Variants in WDR27 observed in about 807,000 individuals in gnomAD.
WDR27 encodes WD repeat-containing protein 27.
WDR27 carries 100 observed loss-of-function variants against 114.4 expected under a neutral mutation model. The observed-to-expected ratio is 0.87, with a 90% CI of 0.74 to 1.03. WDR27 has a LOEUF of 1.03. Among genes scored for constraint, WDR27 ranks in the 50% least tolerant of loss-of-function variants. The pLI, the probability that WDR27 is intolerant of heterozygous loss-of-function variation, is 0.00. For missense variants in WDR27, 1,129 were observed against 1,092.9 expected (o/e 1.03, Z -0.47); for synonymous variants, 449 against 423.1 (o/e 1.06, Z -0.75).
intron 2 of WDR27, among the ~76,000 whole-genome samples, chr6:169,681,596 A>G (rs1029528444): frequency 5.9e-5 from 9 of 152,240 alleles, no homozygotes; most frequent in Non-Finnish European, 1.3e-4. Flanking sequence ...TCTGGCAGGA[A>G]TCACACACTC....
intron 2 of WDR27, among the ~76,000 whole-genome samples, chr6:169,685,105 A>G (rs907664916): frequency 1.3e-5 from 2 of 152,258 alleles, no homozygotes; most frequent in Admixed American, 6.5e-5. Flanking sequence ...ACGCTACTAC[A>G]TCCACCTAGA....
chr6:169,526,340 C>T (rs1021792114), intron 25 of WDR27, among the ~76,000 whole-genome samples: 2 of 152,250 alleles, frequency 1.3e-5, no homozygotes, highest in East Asian at 1.9e-4. Flanking sequence ...AGGCCAGGCG[C>T]GGTGGCTCGC....
At chr6:169,436,019 TTTC>T in the WDR27 span, among the ~76,000 whole-genome samples, 32 of 152,344 alleles carry the variant, frequency 2.1e-4, no homozygotes, top group South Asian at 1.0e-3. Context: ...AAGCTGAAAG[TTTC>T]TTGTTTTTTG....
At chr6:169,579,267 A>G (rs185745320) in intron 24 of WDR27, among the ~76,000 whole-genome samples, 147 of 152,306 alleles carry the variant, frequency 9.7e-4, no homozygotes, top group Middle Eastern at 3.4e-3. Context: ...TGGAGGTAGA[A>G]GAGAGAGCCT....
rs1272639286 is a variant in WDR27, at chr6:169,638,112, C to T, written c.1869+427G>A. 2.3e-5 allele frequency among the ~76,000 whole-genome samples: 3 copies of T among 129,502 alleles called. 1 individual carries two copies. The highest frequency in any genetic ancestry group is 4.8e-4 in the South Asian group (2 of 4,160). The allele number at this position is 129,502 out of a possible 152,430, so 85.0% of individuals were successfully genotyped here. ...CGGGTGGATCATGAGGTCAGGAGAT[C>T]GAGACCATCCTGGCTAACAAGGTGA... is the stretch of plus-strand genomic sequence containing the variant. On this transcript the variant is annotated intron_variant, in intron 18 of 25. Transcript: ENST00000448612.
intron 22 of WDR27, among the ~76,000 whole-genome samples, chr6:169,612,838 C>A (rs2128185696): frequency 6.6e-6 from 1 of 152,254 alleles, no homozygotes; most frequent in South Asian, 2.1e-4. Flanking sequence ...TATGGTCAGT[C>A]ACTGGTTAAG....
chr6:169,595,363 T>A (rs945507324), intron 23 of WDR27, among the ~76,000 whole-genome samples: 1 of 152,230 alleles, frequency 6.6e-6, no homozygotes, highest in African/African-American at 2.4e-5. Flanking sequence ...AAAAGCTTTA[T>A]GCAAAACTCT....
downstream of WDR27, among the ~76,000 whole-genome samples, chr6:169,452,678 G>C (rs1229918828): frequency 6.6e-6 from 1 of 152,254 alleles, no homozygotes; most frequent in Admixed American, 6.5e-5. Context: ...GACAAAGCCA[G>C]GGCTGGAGAG....
intron 23 of WDR27, among the ~76,000 whole-genome samples, chr6:169,592,004 T>C (rs1562647726): frequency 6.6e-6 from 1 of 151,970 alleles, no homozygotes. Flanking sequence ...GGGTGATGGC[T>C]GGAATGTCAC....
chr6:169,512,563 T>C (rs549760064), intron 25 of WDR27, among the ~76,000 whole-genome samples: 36 of 152,354 alleles, frequency 2.4e-4, no homozygotes, highest in African/African-American at 7.9e-4. Flanking sequence ...AGAAAATGTT[T>C]AGTAAGAGCT....
intron 3 of WDR27, chr6:169,671,923 A>C: frequency 5.7e-6 from 1 of 175,086 alleles, no homozygotes. Flanking sequence ...TGTGCAAGGA[A>C]AGAATATTTC....
rs778484287 is a variant in WDR27 at position 169,670,676 on chromosome 6, T to C, written c.349A>G (p.Thr117Ala). 3.1e-6 allele frequency: 5 copies of C among 1,613,778 alleles called. No individual in the cohort carries two copies. In the African/African-American group the frequency reaches 6.7e-5, roughly 22 times the overall value. ...TTTCCCAAAAGCGAGCCCATGACAG[T>C]CCCTCGAGGGACCAGCCCTAGAGTG... ...KVLQGLVPRG[T>A]VMGSLLGKVL... Residue 117 changes from threonine to alanine, a missense_variant, in exon 4 of 26, where the codon ACT becomes GCT. Coordinates refer to ENST00000448612, the MANE Select transcript of WDR27 (RefSeq NM_182552.5).
the WDR27 span, among the ~76,000 whole-genome samples, chr6:169,450,004 A>T: frequency 6.6e-6 from 1 of 152,320 alleles, no homozygotes; most frequent in African/African-American, 2.4e-5. Flanking sequence ...TTTTCTTTGT[A>T]TATTTTAATT....
intron 25 of WDR27, among the ~76,000 whole-genome samples, chr6:169,505,276 C>T (rs1427854837): frequency 6.6e-6 from 1 of 152,118 alleles, no homozygotes; most frequent in Admixed American, 6.5e-5. Flanking sequence ...ATTCATGGGG[C>T]AGCAGGGGGA....
rs543234335 is a variant in WDR27 at position 169,638,185 on chromosome 6, G to A, written c.1869+354C>T. Among the ~76,000 whole-genome samples the A allele has an allele frequency of 3.4e-4, 41 of 120,788 alleles. 7 individuals are homozygous for A. The highest frequency in any genetic ancestry group is 4.8e-4 in the Non-Finnish European group (29 of 60,468). The allele number at this position is 120,788 out of a possible 152,430, so 79.2% of individuals were successfully genotyped here. ...CAAAAAATTAGCCGGGCGCGGTGGCGGGCGCCTGTAGTCCCAGCTACTCGG... is the reference window on the plus strand; with the variant it reads ...CAAAAAATTAGCCGGGCGCGGTGGCAGGCGCCTGTAGTCCCAGCTACTCGG... On this transcript the variant is annotated intron_variant, in intron 18 of 25. Coordinates refer to ENST00000448612, the MANE Select transcript of WDR27 (RefSeq NM_182552.5).
chr6:169,442,278 T>C, the WDR27 span, among the ~76,000 whole-genome samples: 1 of 152,216 alleles, frequency 6.6e-6, no homozygotes, highest in African/African-American at 2.4e-5. Context: ...GCCCTCACAA[T>C]ATGCTCTCCT....
chr6:169,502,592 G>A (rs960381001), intron 25 of WDR27, among the ~76,000 whole-genome samples: 4 of 152,098 alleles, frequency 2.6e-5, no homozygotes, highest in South Asian at 2.1e-4. Context: ...CCAGCTTCCC[G>A]GCCGACCCCG....
chr6:169,511,420 G>T (rs916509873), intron 25 of WDR27, among the ~76,000 whole-genome samples: 2 of 152,150 alleles, frequency 1.3e-5, no homozygotes, highest in African/African-American at 2.4e-5. Context: ...AGCACTAACA[G>T]ATTAATATTT....
chr6:169,653,529 C>T (rs1370150815), intron 13 of WDR27, among the ~76,000 whole-genome samples: 3 of 152,076 alleles, frequency 2.0e-5, no homozygotes, highest in South Asian at 2.1e-4. Context: ...ATATTATTTA[C>T]CTAATAAACA....
Sources: gnomAD v4.1 joint callset for allele counts (sites outside exome capture counted in the v4.1 genomes callset) on GRCh38, gnomAD v4.1.1 for gene constraint, MANE v1.5 for transcripts, NCBI Gene and HGNC (gene_info 2026-07-23, HGNC 2026-07-21) for gene names.